SLC25A21: variants seen among roughly 807,000 people sequenced by gnomAD.
SLC25A21 encodes solute carrier family 25 member 21.
SLC25A21 carries 47 observed loss-of-function variants against 43.8 expected under a neutral mutation model. The ratio of observed to expected loss-of-function variants is 1.07; its 90% CI spans 0.85 to 1.37. SLC25A21 has a LOEUF of 1.37. Ranked by LOEUF, SLC25A21 falls within the 40% of genes most tolerant of loss-of-function variation. SLC25A21 has a pLI of 0.00. For synonymous variants in SLC25A21, 131 were observed against 121.3 expected (o/e 1.08, Z -0.52); for missense variants, 352 against 350.2 (o/e 1.00, Z -0.04).
intron 1 of SLC25A21, among the ~76,000 whole-genome samples, chr14:37,144,457 A>G (rs75271425): frequency 0.021 from 3,209 of 152,314 alleles, 108 homozygotes; most frequent in African/African-American, 0.072. Flanking sequence ...TAGAGTGACT[A>G]CTAAAATATT....
rs7149381 is a variant in SLC25A21, at chr14:36,834,690, A to G, written c.120-20689T>C. 5.2e-3 allele frequency among the ~76,000 whole-genome samples: 786 copies of G among 152,270 alleles called. 7 individuals are homozygous for G. The highest frequency in any genetic ancestry group is 0.018 in the African/African-American group (733 of 41,542). On this transcript the variant is annotated intron_variant, in intron 2 of 9. Transcript: ENST00000331299. ...GAAACAGGAAAAGGGACACAGCCTC[A>G]CTTCCTTTTACTCTTGTTAAAGGTT...
intron 3 of SLC25A21, among the ~76,000 whole-genome samples, chr14:36,779,806 T>C (rs189244728): frequency 1.3e-5 from 2 of 151,678 alleles, no homozygotes; most frequent in African/African-American, 4.8e-5. Context: ...TCTTTTGATA[T>C]ACACCCAGAA....
At chr14:36,689,802 C>T (rs547220773) in intron 7 of SLC25A21, among the ~76,000 whole-genome samples, 1 of 152,348 alleles carries the variant, frequency 6.6e-6, no homozygotes, top group Non-Finnish European at 1.5e-5. Context: ...ACAAGTCCTC[C>T]AAGTTATTCT....
intron 1 of SLC25A21, among the ~76,000 whole-genome samples, chr14:36,977,958 A>ATT (rs1566786697): frequency 2.0e-4 from 28 of 143,122 alleles, no homozygotes; most frequent in African/African-American, 7.2e-4. Context: ...TTTTTTTAAA[A>ATT]AAAAAAAAAG....
chr14:36,725,693 C>A lies in SLC25A21; in HGVS notation c.331-16G>T, dbSNP rs997709582. 4.5e-6 allele frequency: 7 copies of A among 1,544,634 alleles called. No homozygotes were observed. The Admixed American group carries it at 7.1e-5, about 16-fold the overall frequency. On this transcript the variant is annotated splice_polypyrimidine_tract_variant and intron_variant, in intron 5 of 9. Coordinates refer to ENST00000331299, the MANE Select transcript of SLC25A21 (RefSeq NM_030631.4). ...TGGCGAATGTCTAGAAAAATTAAAT[C>A]AATCAATACTTTAAAACAAGTTATC...
In SLC25A21 at chr14:36,761,785, G is replaced by A. The variant is rs116556466; in HGVS notation, c.204-27212C>T. ...ATTATCAAATCAACTATAAAGATAT[G>A]CATATTGACGTATAACAGATTGGCT... is the stretch of plus-strand genomic sequence containing the variant. On this transcript the variant is annotated intron_variant, in intron 3 of 9. Coordinates refer to ENST00000331299, the MANE Select transcript of SLC25A21 (RefSeq NM_030631.4). 5.4e-3 allele frequency among the ~76,000 whole-genome samples: 829 copies of A among 152,256 alleles called. 5 individuals carry two copies. The highest frequency in any genetic ancestry group is 0.019 in the African/African-American group (792 of 41,554).
At chr14:36,756,984 T>C (rs1427328636) in intron 3 of SLC25A21, among the ~76,000 whole-genome samples, 1 of 151,614 alleles carries the variant, frequency 6.6e-6, no homozygotes, top group Non-Finnish European at 1.5e-5. Flanking sequence ...TTGGGCGTGG[T>C]GGCTCATGCC....
intron 2 of SLC25A21, among the ~76,000 whole-genome samples, chr14:36,836,859 T>G (rs1020407721): frequency 2.6e-5 from 4 of 152,062 alleles, no homozygotes; most frequent in African/African-American, 7.2e-5. Flanking sequence ...ATGAATATAT[T>G]TGTAGTTAGA....
chr14:36,993,044 T>C (rs942231657), intron 1 of SLC25A21, among the ~76,000 whole-genome samples: 2 of 152,248 alleles, frequency 1.3e-5, no homozygotes, highest in African/African-American at 4.8e-5. Context: ...AATTTGCCTA[T>C]GCTGGTATAC....
intron 3 of SLC25A21, among the ~76,000 whole-genome samples, chr14:36,810,389 CA>C (rs1888197701): frequency 6.6e-6 from 1 of 152,146 alleles, no homozygotes; most frequent in Admixed American, 6.5e-5. Flanking sequence ...TTACAGCTTA[CA>C]GATCTCAGTA....
chr14:37,063,736 T>G (rs1962000859), intron 1 of SLC25A21, among the ~76,000 whole-genome samples: 1 of 151,994 alleles, frequency 6.6e-6, no homozygotes, highest in Non-Finnish European at 1.5e-5. Context: ...AAGAAAAATC[T>G]CTCCCCAGAG....
At chr14:37,121,074 G>A (rs575219333) in intron 1 of SLC25A21, among the ~76,000 whole-genome samples, 1 of 152,280 alleles carries the variant, frequency 6.6e-6, no homozygotes, top group South Asian at 2.1e-4. Context: ...CTGAAGAAAT[G>A]TCCCAAAGGG....
At chr14:37,098,803 A>T (rs1962759177) in intron 1 of SLC25A21, among the ~76,000 whole-genome samples, 1 of 56,494 alleles carries the variant, frequency 1.8e-5, no homozygotes. Flanking sequence ...ATAGATAGAT[A>T]GATTTTTTTT....
Position 36,806,155 on chromosome 14 carries a change from T to C in SLC25A21, c.203+7763A>G, listed in dbSNP as rs550969828. Among the ~76,000 whole-genome samples, 12 of 144,884 alleles carry C rather than the reference T, an allele frequency of 8.3e-5. No homozygotes were observed. The South Asian group carries it at 2.9e-3, about 35-fold the overall frequency. Reference sequence around the variant, plus strand: ...ACCGGGGTGGGGGTGGGGGTGGAGGTTGCAGTGAGCTGAGATTGTGCCACT... The same window carrying C: ...ACCGGGGTGGGGGTGGGGGTGGAGGCTGCAGTGAGCTGAGATTGTGCCACT... On this transcript the variant is annotated intron_variant, in intron 3 of 9. Transcript: ENST00000331299.
In SLC25A21 at chr14:37,005,473, G is replaced by T. The variant is rs1017325447; in HGVS notation, c.71-130469C>A. ...AATTGCTATAATTGGACAGTACAAA[G>T]ATATACAATTTTTTTCTTTTTTAGA... On this transcript the variant is annotated intron_variant, in intron 1 of 9. Transcript: ENST00000331299. 7.9e-5 allele frequency among the ~76,000 whole-genome samples: 12 copies of T among 152,224 alleles called. No individual in the cohort carries two copies. The East Asian group carries it at 2.1e-3, about 27-fold the overall frequency.
At chr14:36,732,801 T>C (rs1011868839) in intron 4 of SLC25A21, among the ~76,000 whole-genome samples, 3 of 152,216 alleles carry the variant, frequency 2.0e-5, no homozygotes, top group Admixed American at 1.3e-4. Flanking sequence ...TCATAAATTG[T>C]GTTGAAAAAC....
intron 1 of SLC25A21, among the ~76,000 whole-genome samples, chr14:37,146,107 A>G (rs1963659701): frequency 6.6e-6 from 1 of 152,170 alleles, no homozygotes; most frequent in African/African-American, 2.4e-5. Flanking sequence ...TCTTGATGAA[A>G]AGTTTTGAAG....
intron 3 of SLC25A21, among the ~76,000 whole-genome samples, chr14:36,795,146 T>G (rs1887632503): frequency 1.3e-5 from 2 of 152,198 alleles, no homozygotes; most frequent in African/African-American, 4.8e-5. Flanking sequence ...CTCTTTTTGT[T>G]ATGGAGGCTT....
At chr14:36,955,847 A>G (rs1220349421) in intron 1 of SLC25A21, among the ~76,000 whole-genome samples, 1 of 152,178 alleles carries the variant, frequency 6.6e-6, no homozygotes, top group East Asian at 1.9e-4. Context: ...AACAGTTTCC[A>G]CACATACACA....
Sources: gnomAD v4.1 joint callset for allele counts (sites outside exome capture counted in the v4.1 genomes callset) on GRCh38, gnomAD v4.1.1 for gene constraint, MANE v1.5 for transcripts, NCBI Gene and HGNC (gene_info 2026-07-23, HGNC 2026-07-21) for gene names.